The following CCDC148 variants were observed in gnomAD, a reference collection of about 807,000 sequenced individuals.
CCDC148 encodes the protein coiled-coil domain containing 148, also known as coiled-coil domain-containing protein 148.
A neutral mutation model predicts 85.7 loss-of-function variants in CCDC148; 89 were observed. The observed-to-expected ratio is 1.04, with a 90% CI of 0.87 to 1.24. The LOEUF (loss-of-function observed/expected upper bound fraction) is 1.24, where lower values mean the gene tolerates loss of function less well. Among genes scored for constraint, CCDC148 ranks in the 50% most tolerant of loss-of-function variants. The pLI is 0.00. For missense variants in CCDC148, 692 were observed against 671.7 expected, an observed-to-expected ratio of 1.03 and a Z score of -0.33; for synonymous variants, 230 against 213.9, an observed-to-expected ratio of 1.08 and a Z score of -0.66.
At chr2:158,387,153 G>A (rs182419102) in intron 1 of CCDC148, among the ~76,000 whole-genome samples, 1 of 152,134 alleles carries the variant, frequency 6.6e-6, no homozygotes, top group East Asian at 1.9e-4. Flanking sequence ...TTTCCAAGGA[G>A]CTCTGGTTCC....
chr2:158,211,850 T>C (rs1294364460), intron 11 of CCDC148, among the ~76,000 whole-genome samples: 1 of 152,186 alleles, frequency 6.6e-6, no homozygotes, highest in Non-Finnish European at 1.5e-5. Flanking sequence ...TTGCTATATA[T>C]TGCTTTGTCC....
chr2:158,296,739 T>C (rs766384768), intron 9 of CCDC148, among the ~76,000 whole-genome samples: 2 of 152,212 alleles, frequency 1.3e-5, no homozygotes, highest in African/African-American at 2.4e-5. Context: ...TGCAGACAGA[T>C]ACACTTTAAA....
intron 11 of CCDC148, among the ~76,000 whole-genome samples, chr2:158,191,884 G>A (rs541311286): frequency 2.3e-4 from 35 of 152,118 alleles, no homozygotes; most frequent in Middle Eastern, 3.4e-3. Context: ...ATTTCAGGAG[G>A]AGAGCCCATC....
At chr2:158,367,309 C>A (rs1194118264) in intron 1 of CCDC148, among the ~76,000 whole-genome samples, 3 of 152,158 alleles carry the variant, frequency 2.0e-5, no homozygotes, top group African/African-American at 7.2e-5. Context: ...GCATCCCCTC[C>A]CTAGTTTTCA....
chr2:158,450,136 A>ATT (rs1354144367), intron 1 of CCDC148, among the ~76,000 whole-genome samples: 10 of 152,112 alleles, frequency 6.6e-5, no homozygotes, highest in Admixed American at 6.5e-4. Flanking sequence ...TGGCCCAGGG[A>ATT]TGTAAAGGGC....
chr2:158,397,831 C>T (rs145964967), intron 1 of CCDC148, among the ~76,000 whole-genome samples: 1,804 of 152,172 alleles, frequency 0.012, 78 homozygotes, highest in Admixed American at 0.082. Flanking sequence ...GAGACACAGA[C>T]TAGCAAATTG....
intron 11 of CCDC148, among the ~76,000 whole-genome samples, chr2:158,204,900 A>T (rs888772974): frequency 6.6e-6 from 1 of 152,210 alleles, no homozygotes; most frequent in Admixed American, 6.5e-5. Flanking sequence ...ATCCATCTGA[A>T]GACCCAGTGG....
At chr2:158,383,114 A>G (rs1220094059) in intron 1 of CCDC148, among the ~76,000 whole-genome samples, 3 of 151,980 alleles carry the variant, frequency 2.0e-5, no homozygotes, top group Non-Finnish European at 4.4e-5. Flanking sequence ...AGCCTGGCCA[A>G]CATGGTGAAA....
intron 8 of CCDC148, among the ~76,000 whole-genome samples, chr2:158,311,397 T>C (rs1160062276): frequency 2.6e-5 from 4 of 152,058 alleles, no homozygotes; most frequent in African/African-American, 9.7e-5. Flanking sequence ...GGCAGGGAAG[T>C]TGCAGTGAGC....
intron 2 of CCDC148, among the ~76,000 whole-genome samples, chr2:158,348,406 C>T (rs1683098751): frequency 6.9e-6 from 1 of 145,704 alleles, no homozygotes; most frequent in Non-Finnish European, 1.5e-5. Context: ...AAATAAATTA[C>T]AAAATACAAA....
chr2:158,220,711 T>TA lies in CCDC148; in HGVS notation c.1253dup (p.Tyr421IlefsTer29), dbSNP rs1193254617. 1 of 1,567,870 alleles carries TA rather than the reference T, an allele frequency of 6.4e-7. No homozygotes were observed. The highest frequency in any genetic ancestry group is 8.6e-7 in the Non-Finnish European group (1 of 1,159,734). On this transcript the variant is annotated frameshift_variant and splice_region_variant, in exon 11 of 14. Coordinates refer to ENST00000283233, the MANE Select transcript of CCDC148 (RefSeq NM_138803.4). LOFTEE classifies it high-confidence loss of function. Reference sequence around the variant, plus strand: ...GTTTTTTCTTGGCCCAGTATTTTTTTATCTATTGTATAAATGTTACATAAA... The same window carrying TA: ...GTTTTTTCTTGGCCCAGTATTTTTTTAATCTATTGTATAAATGTTACATAAA...
chr2:158,320,846 T>C (rs898273536), intron 7 of CCDC148, among the ~76,000 whole-genome samples: 1 of 152,174 alleles, frequency 6.6e-6, no homozygotes, highest in African/African-American at 2.4e-5. Context: ...TCATGCACCA[T>C]TACATTGTGC....
intron 11 of CCDC148, among the ~76,000 whole-genome samples, chr2:158,219,832 G>A (rs1687080300): frequency 6.6e-6 from 1 of 152,158 alleles, no homozygotes; most frequent in South Asian, 2.1e-4. Flanking sequence ...ACCGTGGAGA[G>A]GGCTCCTCAG....
chr2:158,187,810 T>G (rs184133698), intron 11 of CCDC148, among the ~76,000 whole-genome samples: 1 of 152,076 alleles, frequency 6.6e-6, no homozygotes, highest in Admixed American at 6.6e-5. Flanking sequence ...CTACAATCAG[T>G]GCACAAATAT....
Position 158,230,007 on chromosome 2 carries a change from T to C in CCDC148, c.1252-9294A>G, listed in dbSNP as rs1375698917. 3.3e-5 allele frequency among the ~76,000 whole-genome samples: 5 copies of C among 152,204 alleles called. No homozygotes were observed. In the East Asian group the frequency reaches 5.8e-4, roughly 18 times the overall value. On this transcript the variant is annotated intron_variant, in intron 10 of 13. Coordinates refer to ENST00000283233, the MANE Select transcript of CCDC148 (RefSeq NM_138803.4). ...ACTCCGAAGTCACTGCTCTCACTAG[T>C]GAGTTCCACAGGATCGGATCAAATA...
chr2:158,198,299 C>G (rs1384182323), intron 11 of CCDC148, among the ~76,000 whole-genome samples: 1 of 152,142 alleles, frequency 6.6e-6, no homozygotes, highest in Non-Finnish European at 1.5e-5. Flanking sequence ...TTCTTGAAAA[C>G]AGGGACAGTG....
At chr2:158,251,324 C>A (rs997163489) in intron 9 of CCDC148, among the ~76,000 whole-genome samples, 5 of 151,630 alleles carry the variant, frequency 3.3e-5, no homozygotes, top group Non-Finnish European at 7.4e-5. Flanking sequence ...ATATTTCAGC[C>A]TTCTTATTTT....
intron 13 of CCDC148, among the ~76,000 whole-genome samples, chr2:158,173,890 A>G (rs781457980): frequency 8.6e-5 from 13 of 151,830 alleles, no homozygotes; most frequent in Non-Finnish European, 1.6e-4. Flanking sequence ...ATTTTTTTTT[A>G]TTATTCAATT....
rs1023892053 is a variant in CCDC148, at chr2:158,358,853, TATA to T, written c.26-286_26-284del. On this transcript the variant is annotated intron_variant, in intron 1 of 13. Transcript: ENST00000283233. The stretch of plus-strand genomic sequence containing the variant: ...CCATATATTGAAGATTTTAGAAAAT[TATA>T]ATACCAAGCTACAAAGTATGACGAC... 5.9e-4 allele frequency among the ~76,000 whole-genome samples: 90 copies of T among 152,168 alleles called. 1 individual carries two copies. The highest frequency in any genetic ancestry group is 2.0e-3 in the African/African-American group (82 of 41,554).
Sources: gnomAD v4.1 joint callset for allele counts (sites outside exome capture counted in the v4.1 genomes callset) on GRCh38, gnomAD v4.1.1 for gene constraint, MANE v1.5 for transcripts, NCBI Gene and HGNC (gene_info 2026-07-23, HGNC 2026-07-21) for gene names.